PCDHA5: variants seen among roughly 807,000 people sequenced by gnomAD.
PCDHA5 encodes the protein protocadherin alpha-5.
PCDHA5 carries 43 observed loss-of-function variants against 61.6 expected under a neutral mutation model. The ratio of observed to expected loss-of-function variants is 0.70; its 90% CI spans 0.55 to 0.90. The LOEUF (loss-of-function observed/expected upper bound fraction) is 0.90, where lower values mean the gene tolerates loss of function less well. Ranked by LOEUF, PCDHA5 falls within the 40% of genes least tolerant of loss-of-function variation. The probability of loss-of-function intolerance (pLI) is 0.00; values close to 1 mark genes in which losing one functional copy is unlikely to be tolerated. For synonymous variants in PCDHA5, 627 were observed against 543.9 expected, an observed-to-expected ratio of 1.15 and a Z score of -2.13; for missense variants, 1,298 against 1,222.7, an observed-to-expected ratio of 1.06 and a Z score of -0.92.
intron 1 of PCDHA5, among the ~76,000 whole-genome samples, chr5:140,907,086 A>T (rs1042352534): frequency 6.6e-6 from 1 of 152,136 alleles, no homozygotes; most frequent in East Asian, 1.9e-4. Context: ...GGTGATGGTA[A>T]GTGGTGCCAC....
At chr5:140,831,351 C>T (rs1307103488) in intron 1 of PCDHA5, 1 of 129,732 alleles carries the variant, frequency 7.7e-6, no homozygotes, top group African/African-American at 3.0e-5. Flanking sequence ...TTAAACTATT[C>T]ACTATTTTGT....
At chr5:140,905,333 T>A (rs180881008) in intron 1 of PCDHA5, among the ~76,000 whole-genome samples, 2 of 152,324 alleles carry the variant, frequency 1.3e-5, no homozygotes, top group Admixed American at 1.3e-4. Flanking sequence ...TTGTTGAAGA[T>A]CAGTTGGCTG....
chr5:140,827,967 C>A (rs1278523381), intron 1 of PCDHA5: 2 of 1,351,286 alleles, frequency 1.5e-6, no homozygotes, highest in African/African-American at 2.9e-5. Flanking sequence ...TCTATTACTG[C>A]ATCATTCCCT....
chr5:140,985,929 CG>C (rs2097179106), intron 3 of PCDHA5, among the ~76,000 whole-genome samples: 1 of 151,796 alleles, frequency 6.6e-6, no homozygotes, highest in Non-Finnish European at 1.5e-5. Flanking sequence ...TTAGTAGAGC[CG>C]GGGTTTCACT....
intron 1 of PCDHA5, chr5:140,830,291 G>A (rs1770969160): frequency 6.2e-7 from 1 of 1,613,746 alleles, no homozygotes. Context: ...CGCGTGCACG[G>A]CGGACAAGCC....
intron 1 of PCDHA5, chr5:140,829,396 G>A (rs2150167101): frequency 6.2e-7 from 1 of 1,614,172 alleles, no homozygotes. Context: ...CGCCTTCGCT[G>A]TGGGCCACCG....
chr5:140,973,493 C>T (rs1050229284), intron 1 of PCDHA5, among the ~76,000 whole-genome samples: 1 of 152,116 alleles, frequency 6.6e-6, no homozygotes, highest in African/African-American at 2.4e-5. Context: ...TCACAGGACT[C>T]TTCTTCTGAG....
chr5:140,967,627 C>T (rs1218869340), intron 1 of PCDHA5: 5 of 1,614,158 alleles, frequency 3.1e-6, no homozygotes, highest in South Asian at 2.2e-5. Context: ...CGGATGAGGG[C>T]TCCAATGGTG....
intron 1 of PCDHA5, chr5:140,875,344 A>C: frequency 6.9e-7 from 1 of 1,442,996 alleles, no homozygotes; most frequent in Non-Finnish European, 9.1e-7. Flanking sequence ...TCGACTCCAT[A>C]ATGACTGTGA....
At chr5:140,955,401 A>T (rs1202478496) in intron 1 of PCDHA5, among the ~76,000 whole-genome samples, 2 of 152,122 alleles carry the variant, frequency 1.3e-5, no homozygotes, top group African/African-American at 4.8e-5. Flanking sequence ...TATCCCATAC[A>T]GTTCTCATGA....
intron 1 of PCDHA5, chr5:140,966,584 G>C (rs1227691524): frequency 7.4e-6 from 4 of 541,586 alleles, no homozygotes; most frequent in African/African-American, 6.0e-5. Context: ...CAGCGAGGAC[G>C]GTGGGGCCAG....
intron 1 of PCDHA5, chr5:140,967,306 C>A (rs1554229415): frequency 1.2e-6 from 2 of 1,612,350 alleles, no homozygotes; most frequent in Non-Finnish European, 1.7e-6. Context: ...TGGGCGCCAA[C>A]TCAGTACAGA....
At chr5:140,979,055 T>A (rs2096833782) in intron 2 of PCDHA5, 48 bp downstream of exon 2, 1 of 1,607,848 alleles carries the variant, frequency 6.2e-7, no homozygotes, top group Non-Finnish European at 8.5e-7. Flanking sequence ...TAACTTGGTA[T>A]GGCTCAGATA....
chr5:140,929,082 G>A, intron 1 of PCDHA5: 2 of 1,614,216 alleles, frequency 1.2e-6, no homozygotes, highest in South Asian at 1.1e-5. Flanking sequence ...ATGGAAGTAA[G>A]ATGGTTTCAA....
intron 3 of PCDHA5, among the ~76,000 whole-genome samples, chr5:140,996,923 A>G (rs1385919756): frequency 6.6e-6 from 1 of 152,230 alleles, no homozygotes; most frequent in Non-Finnish European, 1.5e-5. Flanking sequence ...ATATTAAAAA[A>G]TATAGCATTT....
intron 1 of PCDHA5, among the ~76,000 whole-genome samples, chr5:140,898,007 A>G (rs1477147548): frequency 2.3e-4 from 35 of 152,100 alleles, no homozygotes; most frequent in African/African-American, 8.5e-4. Context: ...GTGTCTGTTC[A>G]TATCCTTTGC....
At position 140,822,311 on chromosome 5, in the gene PCDHA5, T is replaced by C. The variant is rs2150115433; in HGVS notation, c.536T>C (p.Leu179Ser). The stretch of plus-strand genomic sequence containing the variant: ...TTAAATCCAAACGAATATTTTGACT[T>C]AGATGTTAAAACAAATGAAGAAGAA... The part of the protein sequence containing the change: ...YRLNPNEYFD[L>S]DVKTNEEETN... Residue 179 changes from leucine to serine, a missense_variant, in exon 1 of 4, where the codon TTA (leucine) becomes TCA (serine). By Grantham distance (145) the Leu-to-Ser change is moderately radical. Transcript: ENST00000529859. The C allele has an allele frequency of 1.5e-5, 24 of 1,614,190 alleles. 1 individual carries two copies. The South Asian group carries it at 2.6e-4, about 18-fold the overall frequency.
chr5:140,868,238 C>T (rs1413759486), intron 1 of PCDHA5: 6 of 151,984 alleles, frequency 3.9e-5, no homozygotes, highest in African/African-American at 7.2e-5. Flanking sequence ...TCATCTAGAT[C>T]AATAGACTTT....
chr5:140,981,883 C>T (rs1488792007), intron 2 of PCDHA5, among the ~76,000 whole-genome samples: 1 of 152,146 alleles, frequency 6.6e-6, no homozygotes, highest in Non-Finnish European at 1.5e-5. Context: ...GAATTAATCT[C>T]TTCTGAGCGG....
Sources: allele counts gnomAD v4.1 joint callset (sites outside exome capture counted in the v4.1 genomes callset), GRCh38; gene constraint gnomAD v4.1.1; transcripts MANE v1.5; gene names NCBI Gene and HGNC (gene_info 2026-07-23, HGNC 2026-07-21).